SAMD12: variants seen among roughly 807,000 people sequenced by gnomAD.
The protein encoded by SAMD12 is sterile alpha motif domain containing 12.
Under a neutral mutation model 15.0 loss-of-function variants are expected in SAMD12, and 9 were observed. That is an observed-to-expected ratio of 0.60 (90% CI 0.36 to 1.05). The LOEUF is 1.05. SAMD12 is among the 50% of genes least tolerant of loss of function. SAMD12 has a pLI of 0.01. For synonymous variants in SAMD12, 86 were observed against 90.1 expected (o/e 0.96, Z 0.25); for missense variants, 230 against 234.2 (o/e 0.98, Z 0.12).
At chr8:118,302,902 T>C (rs753545153) in intron 4 of SAMD12, among the ~76,000 whole-genome samples, 2 of 152,212 alleles carry the variant, frequency 1.3e-5, no homozygotes, top group Non-Finnish European at 2.9e-5. Context: ...GAAATTCTCA[T>C]ATATCTTTTC....
chr8:118,377,483 CT>C (rs1819448646), downstream of SAMD12, among the ~76,000 whole-genome samples: 1 of 152,002 alleles, frequency 6.6e-6, no homozygotes, highest in Non-Finnish European at 1.5e-5. Flanking sequence ...TACCCAAGAG[CT>C]AGAGAACAAT....
chr8:118,606,830 T>G (rs1449610166), intron 1 of SAMD12, among the ~76,000 whole-genome samples: 1 of 152,198 alleles, frequency 6.6e-6, no homozygotes, highest in Non-Finnish European at 1.5e-5. Flanking sequence ...ATCATGTGTC[T>G]GTCTTGGCAA....
rs953767664 is a variant in SAMD12, at chr8:118,242,456, C to CAG, written c.434-44726_434-44725dup. ...TAGGTACAGTAAAATAAGATATTTT[C>CAG]AGAGAGAGAGAGAGATTCACATTAC... On this transcript the variant is annotated intron_variant, in intron 4 of 4. Transcript: ENST00000409003. Among the ~76,000 whole-genome samples, 23 of 151,808 alleles carry CAG rather than the reference C, an allele frequency of 1.5e-4. No individual in the cohort carries two copies. In the East Asian group the frequency reaches 1.9e-3, roughly 13 times the overall value.
intron 2 of SAMD12, among the ~76,000 whole-genome samples, chr8:118,549,849 G>A (rs1417676295): frequency 1.3e-5 from 2 of 152,308 alleles, no homozygotes; most frequent in East Asian, 3.9e-4. Context: ...TGATGGAGCT[G>A]AAAGCCAAGG....
chr8:118,312,489 G>A (rs915791957), intron 4 of SAMD12, among the ~76,000 whole-genome samples: 1 of 152,028 alleles, frequency 6.6e-6, no homozygotes, highest in Non-Finnish European at 1.5e-5. Flanking sequence ...CTTCTCTTTT[G>A]TTCTGTTGTC....
chr8:118,422,860 C>A (rs1822059038), intron 3 of SAMD12, among the ~76,000 whole-genome samples: 1 of 152,062 alleles, frequency 6.6e-6, no homozygotes, highest in Non-Finnish European at 1.5e-5. Flanking sequence ...TCTGAAGACC[C>A]AGAGGAGAAA....
intron 4 of SAMD12, among the ~76,000 whole-genome samples, chr8:118,258,472 C>T (rs1431991581): frequency 2.6e-5 from 4 of 152,060 alleles, no homozygotes; most frequent in African/African-American, 9.7e-5. Context: ...TATTTGAGTG[C>T]CTACTATGTG....
intron 2 of SAMD12, among the ~76,000 whole-genome samples, chr8:118,447,580 GGCGT>G (rs1822952063): frequency 6.6e-6 from 1 of 151,980 alleles, no homozygotes; most frequent in Middle Eastern, 3.2e-3. Context: ...TGGGATTACA[GGCGT>G]GAGCCACCGT....
At chr8:118,293,700 C>T (rs572087542) in intron 4 of SAMD12, among the ~76,000 whole-genome samples, 1 of 152,194 alleles carries the variant, frequency 6.6e-6, no homozygotes, top group East Asian at 1.9e-4. Flanking sequence ...ATGCCAATAC[C>T]CCCAATGTAC....
chr8:118,502,019 C>CA (rs778485490), intron 2 of SAMD12, among the ~76,000 whole-genome samples: 1,005 of 79,944 alleles, frequency 0.013, 12 homozygotes, highest in East Asian at 0.025. Flanking sequence ...GACTCCGTCT[C>CA]AAAAAAAAAA....
rs542602181 is a variant in SAMD12, at chr8:118,538,460, T to C, written c.192+42255A>G. Among the ~76,000 whole-genome samples, 42 of 152,310 alleles carry C rather than the reference T, an allele frequency of 2.8e-4. No individual in the cohort carries two copies. In the South Asian group the frequency reaches 8.3e-3, roughly 30 times the overall value. On this transcript the variant is annotated intron_variant, in intron 2 of 3. Coordinates refer to ENST00000314727, the MANE Select transcript of SAMD12 (RefSeq NM_207506.3). ...CATTGGGATGGGCAATTCCCCTCCA[T>C]TAGGGCTGGTTTAAATTCTCCCCTG...
chr8:118,395,835 G>A lies in SAMD12; in HGVS notation c.323-16135C>T, dbSNP rs374967599. Among the ~76,000 whole-genome samples the A allele has an allele frequency of 3.0e-3, 449 of 151,780 alleles. 1 individual carries two copies. The highest frequency in any genetic ancestry group is 0.01 in the African/African-American group (431 of 41,364). The stretch of plus-strand genomic sequence containing the variant: ...TAGCCGGGCGTGGTGGCGGGCGCCT[G>A]TAGTCCCAGCTACTCGGGAGGCTGA... On this transcript the variant is annotated intron_variant, in intron 3 of 3. Transcript: ENST00000314727.
intron 2 of SAMD12, among the ~76,000 whole-genome samples, chr8:118,455,980 C>T (rs1823238479): frequency 6.6e-6 from 1 of 152,210 alleles, no homozygotes; most frequent in Non-Finnish European, 1.5e-5. Flanking sequence ...AAATTCCACA[C>T]TTTCCACCTA....
chr8:118,177,018 G>A, the SAMD12 span, among the ~76,000 whole-genome samples: 1 of 152,260 alleles, frequency 6.6e-6, no homozygotes, highest in East Asian at 1.9e-4. Flanking sequence ...CAGTTACGTG[G>A]TGATGCAGTG....
rs12541679 is a variant in SAMD12, at chr8:118,378,650, G to A, written c.*767C>T. 0.27 allele frequency: 265,389 copies of A among 984,372 alleles called. 36,392 individuals are homozygous for A. The highest frequency in any genetic ancestry group is 0.28 in the Non-Finnish European group (232,811 of 829,140). The allele number at this position is 984,372 out of a possible 1,614,324, so 61.0% of individuals were successfully genotyped here. A position where few individuals can be genotyped will look rare whatever the true frequency, so the allele number is the denominator to read the frequency against. ...ATGCAATTACAATATTCTGCAGAAT[G>A]ACAAATACTCAAGGCTCTCAAAAAC... On this transcript the variant is annotated 3_prime_UTR_variant, in exon 4 of 4. Transcript: ENST00000314727.
intron 4 of SAMD12, among the ~76,000 whole-genome samples, chr8:118,291,987 T>A (rs551141325): frequency 1.3e-5 from 2 of 150,852 alleles, no homozygotes; most frequent in South Asian, 2.1e-4. Context: ...CTTCTGCTTG[T>A]GAGTATATAA....
intron 2 of SAMD12, among the ~76,000 whole-genome samples, chr8:118,550,807 A>T (rs1161885111): frequency 1.3e-5 from 2 of 151,676 alleles, no homozygotes; most frequent in Admixed American, 1.3e-4. Flanking sequence ...AGACACACAT[A>T]GGCTTAAAAT....
intron 4 of SAMD12, among the ~76,000 whole-genome samples, chr8:118,327,146 T>C (rs1430191617): frequency 6.6e-6 from 1 of 152,224 alleles, no homozygotes; most frequent in Non-Finnish European, 1.5e-5. Context: ...GATTGATTTT[T>C]CAGGAGCATG....
downstream of SAMD12, among the ~76,000 whole-genome samples, chr8:118,184,682 A>T (rs549149327): frequency 6.6e-6 from 1 of 152,208 alleles, no homozygotes; most frequent in Admixed American, 6.5e-5. Context: ...GTTTTAGTAG[A>T]GATAGGGTTT....
Sources: allele counts gnomAD v4.1 joint callset (sites outside exome capture counted in the v4.1 genomes callset), GRCh38; gene constraint gnomAD v4.1.1; transcripts MANE v1.5; gene names NCBI Gene and HGNC (gene_info 2026-07-23, HGNC 2026-07-21).